MARCHF7: variants seen among roughly 807,000 people sequenced by gnomAD.
The protein encoded by MARCHF7 is membrane associated ring-CH-type finger 7.
In MARCHF7, 20 loss-of-function variants were observed where a neutral mutation model predicts 76.5. The observed-to-expected ratio is 0.26, with a 90% CI of 0.18 to 0.38. The LOEUF is 0.38. Among genes scored for constraint, MARCHF7 ranks in the 10% least tolerant of loss-of-function variants. The probability of loss-of-function intolerance (pLI) is 1.00; values close to 1 mark genes in which losing one functional copy is unlikely to be tolerated. For missense variants in MARCHF7, 797 were observed against 812.9 expected, an observed-to-expected ratio of 0.98 and a Z score of 0.24; for synonymous variants, 295 against 293.0, an observed-to-expected ratio of 1.01 and a Z score of -0.07.
intron 8 of MARCHF7, among the ~76,000 whole-genome samples, chr2:159,753,565 TTGAGA>T (rs1032277444): frequency 1.5e-4 from 22 of 148,556 alleles, no homozygotes; most frequent in East Asian, 3.9e-4. Context: ...AAAAAAAAAG[TTGAGA>T]TGAGAAAGAT....
At chr2:159,714,964 A>G (rs1262181883) in intron 2 of MARCHF7, among the ~76,000 whole-genome samples, 1 of 152,204 alleles carries the variant, frequency 6.6e-6, no homozygotes, top group Non-Finnish European at 1.5e-5. Context: ...TGCGGAATGG[A>G]GAGCTATTGT....
intron 7 of MARCHF7, among the ~76,000 whole-genome samples, chr2:159,750,277 A>G (rs991966442): frequency 2.0e-5 from 3 of 152,194 alleles, no homozygotes; most frequent in African/African-American, 7.2e-5. Context: ...CTGTAATCCC[A>G]GCACTTTGGG....
intron 3 of MARCHF7, among the ~76,000 whole-genome samples, chr2:159,728,262 C>A (rs1176931585): frequency 6.6e-6 from 1 of 152,150 alleles, no homozygotes; most frequent in East Asian, 1.9e-4. Context: ...TACTGTCAGA[C>A]CTTGCATATA....
chr2:159,751,359 G>T (rs990884892), intron 7 of MARCHF7, among the ~76,000 whole-genome samples: 1 of 152,112 alleles, frequency 6.6e-6, no homozygotes, highest in Non-Finnish European at 1.5e-5. Flanking sequence ...CATACCTAAG[G>T]ATTTTAAGAC....
intron 3 of MARCHF7, among the ~76,000 whole-genome samples, chr2:159,725,510 G>C (rs1441230173): frequency 6.6e-6 from 1 of 151,830 alleles, no homozygotes; most frequent in Non-Finnish European, 1.5e-5. Flanking sequence ...CATATCCTTC[G>C]CCCACTTTTT....
intron 7 of MARCHF7, among the ~76,000 whole-genome samples, chr2:159,751,824 A>T (rs1341045755): frequency 6.6e-6 from 1 of 152,222 alleles, no homozygotes; most frequent in Non-Finnish European, 1.5e-5. Flanking sequence ...GAGGGGGCAG[A>T]TGGAGAATTT....
At chr2:159,766,686 C>G (rs1707802121) in intron 11 of MARCHF7, among the ~76,000 whole-genome samples, 2 of 152,086 alleles carry the variant, frequency 1.3e-5, no homozygotes, top group South Asian at 4.1e-4. Flanking sequence ...AGTGTGGAGA[C>G]AGGGGAATAA....
At position 159,727,836 on chromosome 2, in the gene MARCHF7, G is replaced by A. The variant is rs541307253; in HGVS notation, c.-14-1173G>A. 3.9e-5 allele frequency among the ~76,000 whole-genome samples: 6 copies of A among 152,278 alleles called. No individual in the cohort carries two copies. In the South Asian group the frequency reaches 1.0e-3, roughly 26 times the overall value. ...AAAAGAGTACTTATTGTATGATTCC[G>A]TTTATACGTATTTAATAATCAGGCA... On this transcript the variant is annotated intron_variant, in intron 3 of 11. Coordinates refer to ENST00000409175, the MANE Select transcript of MARCHF7 (RefSeq NM_001282805.2).
intron 10 of MARCHF7, among the ~76,000 whole-genome samples, chr2:159,764,075 T>C (rs1480657772): frequency 6.6e-6 from 1 of 152,196 alleles, no homozygotes; most frequent in African/African-American, 2.4e-5. Flanking sequence ...TAAAAGTTCA[T>C]ATTAACAAGT....
At position 159,743,048 on chromosome 2, in the gene MARCHF7, T is replaced by G. The variant is rs760410446; in HGVS notation, c.154-13T>G. ...AGCCTTTTGTTGTTTAAAAAATTTT[T>G]TTGAACTCACAGTCTACATCAGCAT... is the stretch of plus-strand genomic sequence containing the variant. On this transcript the variant is annotated splice_polypyrimidine_tract_variant and intron_variant, in intron 4 of 11. Transcript: ENST00000409175. The G allele has an allele frequency of 1.1e-5, 17 of 1,599,572 alleles. No homozygotes were observed. Among genetic ancestry groups the G allele is most frequent in the Non-Finnish European group, 1.4e-5 (16 of 1,172,322 alleles).
At chr2:159,758,288 G>A (rs1706581907) in intron 8 of MARCHF7, among the ~76,000 whole-genome samples, 1 of 152,172 alleles carries the variant, frequency 6.6e-6, no homozygotes, top group Non-Finnish European at 1.5e-5. Flanking sequence ...ATAATCAAAT[G>A]TTGAATGAAT....
chr2:159,712,973 T>C (rs1700407951), intron 1 of MARCHF7, among the ~76,000 whole-genome samples: 3 of 152,138 alleles, frequency 2.0e-5, no homozygotes, highest in African/African-American at 7.2e-5. Context: ...CGGCCTCCTC[T>C]TGGGCCGTGG....
rs1248536828 is a variant in MARCHF7, at chr2:159,748,142, A to G, written c.852A>G (p.Ser284=). 6.2e-7 allele frequency: 1 copy of G among 1,613,816 alleles called. No individual in the cohort carries two copies. The highest frequency in any genetic ancestry group is 1.1e-5 in the South Asian group (1 of 90,988). Residue 284 remains serine (S), a synonymous_variant, in exon 7 of 12, where the codon TCA becomes TCG. Coordinates refer to ENST00000409175, the MANE Select transcript of MARCHF7 (RefSeq NM_001282805.2). ...EGRRTTRRLL[S]RIASSMSSTF... ...GGCGGACAACGAGGAGATTGCTGTC[A>G]CGCATAGCTTCTAGCATGTCATCTA... is the stretch of plus-strand genomic sequence containing the variant.
intron 3 of MARCHF7, among the ~76,000 whole-genome samples, chr2:159,721,666 G>A (rs889119014): frequency 2.0e-5 from 3 of 152,148 alleles, no homozygotes; most frequent in African/African-American, 7.2e-5. Flanking sequence ...ACCAGTTCTG[G>A]AGAATAGAAA....
At chr2:159,715,034 C>T (rs6709839) in intron 2 of MARCHF7, among the ~76,000 whole-genome samples, 6,312 of 152,212 alleles carry the variant, frequency 0.041, 420 homozygotes, top group African/African-American at 0.14. Context: ...CCTTCTGTTA[C>T]CACAGATAAT....
rs955328464 is a variant in MARCHF7, at chr2:159,729,942, G to A, written c.153+767G>A. Among the ~76,000 whole-genome samples the A allele has an allele frequency of 3.9e-5, 6 of 152,094 alleles. No individual in the cohort carries two copies. The East Asian group carries it at 1.2e-3, about 29-fold the overall frequency. ...ATGTTGAATAATTTTTAAATTAACA[G>A]GTTATCTTTTTATGAAAGTGCTAAA... On this transcript the variant is annotated intron_variant, in intron 4 of 11. Coordinates refer to ENST00000409175, the MANE Select transcript of MARCHF7 (RefSeq NM_001282805.2).
chr2:159,743,394 T>A, intron 5 of MARCHF7, 141 bp downstream of exon 5: 1 of 704,280 alleles, frequency 1.4e-6, no homozygotes, highest in Non-Finnish European at 2.3e-6. Context: ...AATCTTACTT[T>A]AAATTAATGC....
At chr2:159,761,756 G>A (rs1707138741) in intron 9 of MARCHF7, among the ~76,000 whole-genome samples, 1 of 152,150 alleles carries the variant, frequency 6.6e-6, no homozygotes, top group Non-Finnish European at 1.5e-5. Context: ...TCAGTTACTT[G>A]CTGAAGTTGG....
At chr2:159,762,486 A>G (rs1375184832) in intron 9 of MARCHF7, among the ~76,000 whole-genome samples, 6 of 152,214 alleles carry the variant, frequency 3.9e-5, no homozygotes, top group Non-Finnish European at 8.8e-5. Flanking sequence ...CACTTGAGCT[A>G]TCAGAATAGA....
Sources: gnomAD v4.1 joint callset for allele counts (sites outside exome capture counted in the v4.1 genomes callset) on GRCh38, gnomAD v4.1.1 for gene constraint, MANE v1.5 for transcripts, NCBI Gene and HGNC (gene_info 2026-07-23, HGNC 2026-07-21) for gene names.